DLD: variants seen among roughly 807,000 people sequenced by gnomAD.
The protein encoded by DLD is dihydrolipoamide dehydrogenase, also known as dihydrolipoyl dehydrogenase, mitochondrial.
Under a neutral mutation model 62.2 loss-of-function variants are expected in DLD, and 36 were observed. That is an observed-to-expected ratio of 0.58 (90% confidence interval 0.44 to 0.76). The LOEUF is 0.76. DLD is among the 30% of genes least tolerant of loss of function. The pLI, the probability that DLD is intolerant of heterozygous loss-of-function variation, is 0.00. For synonymous variants in DLD, 204 were observed against 199.6 expected, an observed-to-expected ratio of 1.02 and a Z score of -0.19; for missense variants, 541 against 608.6, an observed-to-expected ratio of 0.89 and a Z score of 1.17.
chr7:107,901,964 G>T, intron 3 of DLD, 147 bp downstream of exon 3: 1 of 707,932 alleles, frequency 1.4e-6, no homozygotes, highest in South Asian at 1.6e-5. Flanking sequence ...TAAAGATTAG[G>T]TTCATTTGGT....
At position 107,891,207 on chromosome 7, in the gene DLD, A is replaced by C. The variant is rs921878353; in HGVS notation, c.-44A>C. 4.3e-6 allele frequency: 7 copies of C among 1,612,682 alleles called. No individual in the cohort carries two copies. The highest frequency in any genetic ancestry group is 3.3e-5 in the South Asian group (3 of 91,020). ...CCTTGGCGGAGCGGCGGAGGCGCCC[A>C]GCGGAGGTGAAAGTATTGGCGGAAA... is the stretch of plus-strand genomic sequence containing the variant. On this transcript the variant is annotated 5_prime_UTR_variant, in exon 1 of 14. Coordinates refer to ENST00000205402, the MANE Select transcript of DLD (RefSeq NM_000108.5).
In DLD at chr7:107,911,288, T is replaced by C. The variant is rs967171892; in HGVS notation, c.685-4218T>C. On this transcript the variant is annotated intron_variant, in intron 8 of 13. Coordinates refer to ENST00000205402, the MANE Select transcript of DLD (RefSeq NM_000108.5). ...CTCTTTACATAGCATAATGTTCTTA[T>C]GGTTCATCCAAGTTGTAGCATGTAT... Among the ~76,000 whole-genome samples, 6 of 152,240 alleles carry C rather than the reference T, an allele frequency of 3.9e-5. No homozygotes were observed. The East Asian group carries it at 5.8e-4, about 15-fold the overall frequency.
chr7:107,911,363 C>T (rs554471033), intron 8 of DLD, among the ~76,000 whole-genome samples: 7 of 152,222 alleles, frequency 4.6e-5, no homozygotes, highest in Admixed American at 2.0e-4. Context: ...ATGGATATGG[C>T]ACATTTTGTT....
chr7:107,905,675 G>A (rs971541116), intron 7 of DLD, 171 bp downstream of exon 7: 1 of 672,864 alleles, frequency 1.5e-6, no homozygotes, highest in African/African-American at 1.8e-5. Flanking sequence ...ATTCTGACCA[G>A]CTATAGAACA....
Position 107,905,701 on chromosome 7 carries a change from T to C in DLD, c.582+197T>C, listed in dbSNP as rs981846853. 6.6e-6 allele frequency: 4 copies of C among 604,326 alleles called. No homozygotes were observed. In the East Asian group the frequency reaches 1.2e-4, roughly 17 times the overall value. 37.4% of individuals were successfully genotyped at this position (604,326 alleles called of 1,614,324 possible). A position where few individuals can be genotyped will look rare whatever the true frequency, so the allele number is the denominator to read the frequency against. The stretch of plus-strand genomic sequence containing the variant: ...CTATAGAACACTTTATATTAAGATA[T>C]GTTTGAATACAGTATGAAGTTAAAA... On this transcript the variant is annotated intron_variant, in intron 7 of 13. Transcript: ENST00000205402.
chr7:107,917,107 CT>C, intron 10 of DLD, 143 bp downstream of exon 10: 1 of 1,194,858 alleles, frequency 8.4e-7, no homozygotes, highest in Non-Finnish European at 1.2e-6. Flanking sequence ...TAAAAAATAA[CT>C]GAATTTTACT....
At position 107,904,948 on chromosome 7, in the gene DLD, C is replaced by A; in HGVS notation, c.338-10C>A. On this transcript the variant is annotated splice_polypyrimidine_tract_variant and intron_variant, in intron 5 of 13. Coordinates refer to ENST00000205402, the MANE Select transcript of DLD (RefSeq NM_000108.5). ...AGCTAAGAACTAAAGATTAATTGAACAAATTACAGTGTCCGAAGTTCGCTT... is the reference window on the plus strand; with the variant it reads ...AGCTAAGAACTAAAGATTAATTGAAAAAATTACAGTGTCCGAAGTTCGCTT... 1 of 1,601,432 alleles carries A rather than the reference C, an allele frequency of 6.2e-7. No individual in the cohort carries two copies. The highest frequency in any genetic ancestry group is 8.5e-7 in the Non-Finnish European group (1 of 1,169,678).
chr7:107,917,121 A>G, intron 10 of DLD, 152 bp from the exon 11 acceptor site: 2 of 1,195,192 alleles, frequency 1.7e-6, no homozygotes, highest in South Asian at 1.3e-5. Flanking sequence ...ATTTTACTCA[A>G]AGATAAGCTG....
At chr7:107,910,575 C>A (rs1025366633) in intron 8 of DLD, among the ~76,000 whole-genome samples, 1 of 152,134 alleles carries the variant, frequency 6.6e-6, no homozygotes, top group Middle Eastern at 3.4e-3. Flanking sequence ...TAAAAAACAT[C>A]TTTTTTGGAA....
intron 5 of DLD, among the ~76,000 whole-genome samples, chr7:107,904,182 C>G (rs2031947035): frequency 2.6e-5 from 4 of 152,070 alleles, no homozygotes; most frequent in Admixed American, 6.5e-5. Context: ...CTACTTAAGG[C>G]AATCCATTGG....
At chr7:107,914,953 C>A (rs1317037107) in intron 8 of DLD, among the ~76,000 whole-genome samples, 1 of 152,060 alleles carries the variant, frequency 6.6e-6, no homozygotes, top group African/African-American at 2.4e-5. Flanking sequence ...ATTTAGTAAC[C>A]TGTTTCCTTT....
At chr7:107,897,022 A>G (rs945803455) in intron 2 of DLD, among the ~76,000 whole-genome samples, 3 of 152,002 alleles carry the variant, frequency 2.0e-5, no homozygotes, top group Admixed American at 6.6e-5. Flanking sequence ...TTTAGTAGAG[A>G]TGGGGTTTCA....
At chr7:107,913,053 A>G (rs1436455825) in intron 8 of DLD, among the ~76,000 whole-genome samples, 2 of 152,030 alleles carry the variant, frequency 1.3e-5, no homozygotes, top group African/African-American at 4.8e-5. Flanking sequence ...TATCGATGAG[A>G]CTGCCTTTTC....
chr7:107,903,302 C>G (rs1032418842), intron 4 of DLD, among the ~76,000 whole-genome samples, 176 bp from the exon 5 acceptor site: 3 of 152,084 alleles, frequency 2.0e-5, no homozygotes, highest in Non-Finnish European at 4.4e-5. Context: ...TGCTTGAGCC[C>G]GGGAGGCGGA....
intron 8 of DLD, among the ~76,000 whole-genome samples, chr7:107,908,357 G>A (rs1488579046): frequency 1.6e-4 from 25 of 151,570 alleles, no homozygotes; most frequent in Admixed American, 1.5e-3. Flanking sequence ...CACCATATTG[G>A]TCAGGCTGGT....
At chr7:107,891,844 C>G (rs2031586919) in intron 1 of DLD, among the ~76,000 whole-genome samples, 1 of 152,190 alleles carries the variant, frequency 6.6e-6, no homozygotes, top group Admixed American at 6.5e-5. Context: ...CTCACGACTT[C>G]CTGGAGGCTT....
intron 6 of DLD, 67 bp downstream of exon 6, chr7:107,905,125 A>T: frequency 8.2e-7 from 1 of 1,212,470 alleles, no homozygotes; most frequent in Non-Finnish European, 1.2e-6. Flanking sequence ...TTATAGAGTG[A>T]TGATATTTGA....
Position 107,892,709 on chromosome 7 carries a change from C to G in DLD, c.40-491C>G, listed in dbSNP as rs548111769. 3.8e-3 allele frequency among the ~76,000 whole-genome samples: 575 copies of G among 152,234 alleles called. 2 individuals carry two copies. Among genetic ancestry groups the G allele is most frequent in the Middle Eastern group, 6.8e-3 (2 of 292 alleles). ...TACAGGCACCCACCACTACACCCGGCTAATTTTCTTGTATTTTTAGTAGAG... is the reference window on the plus strand; with the variant it reads ...TACAGGCACCCACCACTACACCCGGGTAATTTTCTTGTATTTTTAGTAGAG... On this transcript the variant is annotated intron_variant, in intron 1 of 13. Coordinates refer to ENST00000205402, the MANE Select transcript of DLD (RefSeq NM_000108.5).
chr7:107,905,799 G>A, intron 7 of DLD: 1 of 415,186 alleles, frequency 2.4e-6, no homozygotes. Context: ...GATGAAATTA[G>A]GTATATAGAT....
Sources: allele counts gnomAD v4.1 joint callset (sites outside exome capture counted in the v4.1 genomes callset), GRCh38; gene constraint gnomAD v4.1.1; transcripts MANE v1.5; gene names NCBI Gene and HGNC (gene_info 2026-07-23, HGNC 2026-07-21).